Variants in EPB41L3 observed in about 807,000 individuals in gnomAD.
EPB41L3 encodes band 4.1-like protein 3.
In EPB41L3, 57 loss-of-function variants were observed where a neutral mutation model predicts 127.1. The observed-to-expected ratio is 0.45, with a 90% CI of 0.36 to 0.56. EPB41L3 has a LOEUF of 0.56. EPB41L3 is among the 20% of genes least tolerant of loss of function. EPB41L3 has a pLI of 0.00. For missense variants in EPB41L3, 1,273 were observed against 1,372.2 expected (o/e 0.93, Z 1.14); for synonymous variants, 572 against 549.5 (o/e 1.04, Z -0.57).
At chr18:5,469,446 C>CATGCCTGGCTGTGTGT (rs71163231) in intron 3 of EPB41L3, among the ~76,000 whole-genome samples, 1 of 152,104 alleles carries the variant, frequency 6.6e-6, no homozygotes, top group Non-Finnish European at 1.5e-5. Flanking sequence ...TAGCAGCCAG[C>CATGCCTGGCTGTGTGT]ATGCCTGGCT....
In EPB41L3 at chr18:5,478,458, AAC is replaced by A. The variant is rs1403296442; in HGVS notation, c.184-22_184-21del. 6.2e-7 allele frequency: 1 copy of A among 1,612,104 alleles called. No homozygotes were observed. The highest frequency in any genetic ancestry group is 8.5e-7 in the Non-Finnish European group (1 of 1,178,550). On this transcript the variant is annotated intron_variant, in intron 2 of 22. Transcript: ENST00000341928. ...AGTGACCTGTGAAGAGCAAACAATC[AAC>A]AGTTTTCATTGCAAGGTGGGAAATA...
intron 3 of EPB41L3, among the ~76,000 whole-genome samples, chr18:5,602,676 C>T (rs2094604525): frequency 6.6e-6 from 1 of 152,146 alleles, no homozygotes; most frequent in African/African-American, 2.4e-5. Context: ...GACCTCATGG[C>T]CTCAAGCAAT....
At chr18:5,520,794 C>T (rs754082885) in intron 1 of EPB41L3, among the ~76,000 whole-genome samples, 6 of 152,198 alleles carry the variant, frequency 3.9e-5, no homozygotes, top group Non-Finnish European at 8.8e-5. Context: ...TCACCCTGAA[C>T]TTCCATTTTA....
chr18:5,466,910 T>C (rs2085097953), intron 3 of EPB41L3, among the ~76,000 whole-genome samples: 1 of 152,194 alleles, frequency 6.6e-6, no homozygotes, highest in Admixed American at 6.5e-5. Context: ...ATTGAAATGC[T>C]AACTAAGGGG....
intron 1 of EPB41L3, among the ~76,000 whole-genome samples, chr18:5,620,465 G>C (rs1182569510): frequency 6.6e-6 from 1 of 151,990 alleles, no homozygotes; most frequent in African/African-American, 2.4e-5. Flanking sequence ...TTGGCAACTG[G>C]GTCACACATA....
intron 3 of EPB41L3, among the ~76,000 whole-genome samples, chr18:5,595,955 T>C (rs2094533069): frequency 6.6e-6 from 1 of 152,214 alleles, no homozygotes; most frequent in Admixed American, 6.5e-5. Context: ...GGAATCTTTA[T>C]AACCGTTTTT....
chr18:5,412,024 T>C (rs1009007634), intron 13 of EPB41L3, among the ~76,000 whole-genome samples: 1 of 151,976 alleles, frequency 6.6e-6, no homozygotes, highest in African/African-American at 2.4e-5. Flanking sequence ...GGGCAGGAGG[T>C]GGCTGTTAAT....
At chr18:5,513,277 G>A (rs1316405377) in intron 1 of EPB41L3, among the ~76,000 whole-genome samples, 5 of 152,286 alleles carry the variant, frequency 3.3e-5, no homozygotes, top group Admixed American at 1.3e-4. Flanking sequence ...CTACAGCAGC[G>A]TAACCTAACC....
upstream of EPB41L3, among the ~76,000 whole-genome samples, chr18:5,630,013 C>T (rs546645742): frequency 3.8e-4 from 58 of 152,316 alleles, no homozygotes; most frequent in African/African-American, 1.4e-3. Context: ...AAGACTGGTG[C>T]GCTCGCCGGG....
intron 1 of EPB41L3, among the ~76,000 whole-genome samples, chr18:5,628,678 G>C (rs1043697581): frequency 3.3e-5 from 5 of 152,248 alleles, no homozygotes; most frequent in Non-Finnish European, 7.4e-5. Flanking sequence ...CACTTCTGCA[G>C]AGGGAAAGCG....
At chr18:5,502,620 C>G (rs746751725) in intron 1 of EPB41L3, among the ~76,000 whole-genome samples, 1 of 152,082 alleles carries the variant, frequency 6.6e-6, no homozygotes, top group Non-Finnish European at 1.5e-5. Context: ...GAACCAGGTC[C>G]AGAAGAGGAG....
chr18:5,531,674 A>C (rs1192063926), intron 1 of EPB41L3, among the ~76,000 whole-genome samples: 1 of 148,862 alleles, frequency 6.7e-6, no homozygotes, highest in Non-Finnish European at 1.5e-5. Context: ...GGTTGCGGTG[A>C]GCCAAGATCA....
chr18:5,619,077 T>A (rs1599360192), intron 1 of EPB41L3, among the ~76,000 whole-genome samples: 1 of 152,324 alleles, frequency 6.6e-6, no homozygotes, highest in East Asian at 1.9e-4. Context: ...ATGATTTGTA[T>A]CTACTGAACC....
intron 3 of EPB41L3, among the ~76,000 whole-genome samples, chr18:5,558,989 C>A (rs1174969737): frequency 1.3e-5 from 2 of 151,998 alleles, no homozygotes; most frequent in Non-Finnish European, 2.9e-5. Context: ...TACATAGTGT[C>A]TGGAATTAAT....
At chr18:5,552,917 T>C (rs2093985337) in intron 3 of EPB41L3, among the ~76,000 whole-genome samples, 1 of 152,192 alleles carries the variant, frequency 6.6e-6, no homozygotes, top group Non-Finnish European at 1.5e-5. Flanking sequence ...GACAGTCAAA[T>C]AAATACATAC....
rs10622515 is a variant in EPB41L3 at position 5,622,951 on chromosome 18, A to ATTTTTTTTTT, written c.-468+5961_-468+5970dup. Among the ~76,000 whole-genome samples the ATTTTTTTTTT allele has an allele frequency of 1.3e-4, 10 of 76,050 alleles. 1 individual carries two copies. Among genetic ancestry groups the ATTTTTTTTTT allele is most frequent in the African/African-American group, 1.6e-4 (3 of 18,418 alleles). 49.9% of individuals were successfully genotyped at this position (76,050 alleles called of 152,430 possible). On this transcript the variant is annotated intron_variant, in intron 1 of 21. Transcript: ENST00000545076. ...GAGAGATTTGTATGGCATAATGCTG[A>ATTTTTTTTTT]TTTTTTTTTTTTTTTTTTTTTTTTT...
chr18:5,542,036 CA>C (rs1480077694), intron 1 of EPB41L3, among the ~76,000 whole-genome samples: 3 of 152,224 alleles, frequency 2.0e-5, no homozygotes, highest in Non-Finnish European at 4.4e-5. Flanking sequence ...CAATGCCTTG[CA>C]AATTAACAAA....
chr18:5,416,452 T>C, intron 12 of EPB41L3, 74 bp from the exon 13 acceptor site: 1 of 1,426,794 alleles, frequency 7.0e-7, no homozygotes, highest in East Asian at 2.4e-5. Flanking sequence ...AAACTGCAAT[T>C]AGTTAATTTT....
At chr18:5,506,693 T>C (rs2092229484) in intron 1 of EPB41L3, among the ~76,000 whole-genome samples, 2 of 152,152 alleles carry the variant, frequency 1.3e-5, no homozygotes. Context: ...ATCCCAGGCA[T>C]CTAGAATAGT....
Sources: gnomAD v4.1 joint callset for allele counts (sites outside exome capture counted in the v4.1 genomes callset) on GRCh38, gnomAD v4.1.1 for gene constraint, MANE v1.5 for transcripts, NCBI Gene and HGNC (gene_info 2026-07-23, HGNC 2026-07-21) for gene names.